PHLPP1: variants seen among roughly 807,000 people sequenced by gnomAD.
PHLPP1 encodes PH domain and leucine rich repeat protein phosphatase 1.
In PHLPP1, 42 loss-of-function variants were observed where a neutral mutation model predicts 117.2. The ratio of observed to expected loss-of-function variants is 0.36; its 90% confidence interval spans 0.28 to 0.46. The LOEUF is 0.46. Among genes scored for constraint, PHLPP1 ranks in the 20% least tolerant of loss-of-function variants. The probability of loss-of-function intolerance (pLI) is 1.00; values close to 1 mark genes in which losing one functional copy is unlikely to be tolerated. For synonymous variants in PHLPP1, 1,042 were observed against 970.7 expected (o/e 1.07, Z -1.37); for missense variants, 2,084 against 2,241.9 (o/e 0.93, Z 1.42).
intron 4 of PHLPP1, among the ~76,000 whole-genome samples, chr18:62,868,757 A>C (rs1229981325): frequency 2.0e-5 from 3 of 152,220 alleles, no homozygotes; most frequent in African/African-American, 7.2e-5. Flanking sequence ...TTGATCAGAA[A>C]AATAATTGCA....
rs147868287 is a variant in PHLPP1, at chr18:62,719,287, A to T, written c.1576+2028A>T. Among the ~76,000 whole-genome samples the T allele has an allele frequency of 2.2e-3, 331 of 152,324 alleles. 1 individual carries two copies. Among genetic ancestry groups the T allele is most frequent in the African/African-American group, 7.6e-3 (315 of 41,582 alleles). ...TTGTTGCGAAGTTGTCTAATTGCTTATTTTGGCTTTAAAGCAAAGTTGAGC... is the reference window on the plus strand; with the variant it reads ...TTGTTGCGAAGTTGTCTAATTGCTTTTTTTGGCTTTAAAGCAAAGTTGAGC... On this transcript the variant is annotated intron_variant, in intron 1 of 16. Coordinates refer to ENST00000262719, the MANE Select transcript of PHLPP1 (RefSeq NM_194449.4).
intron 1 of PHLPP1, among the ~76,000 whole-genome samples, chr18:62,761,098 C>T (rs997307296): frequency 2.6e-5 from 4 of 151,936 alleles, no homozygotes; most frequent in Non-Finnish European, 5.9e-5. Context: ...CTCCTGAGCT[C>T]AAGCAATCTG....
At chr18:62,775,754 G>C (rs1912933259) in intron 1 of PHLPP1, among the ~76,000 whole-genome samples, 1 of 152,048 alleles carries the variant, frequency 6.6e-6, no homozygotes, top group African/African-American at 2.4e-5. Context: ...GATCAGTTTT[G>C]ACCTATATCC....
At chr18:62,896,159 A>G (rs1200627082) in intron 6 of PHLPP1, 148 bp downstream of exon 6, 1 of 606,858 alleles carries the variant, frequency 1.6e-6, no homozygotes, top group African/African-American at 1.8e-5. Context: ...ATTATGATTA[A>G]TAGTAGGGTT....
At chr18:62,867,389 C>T (rs1485720287) in intron 4 of PHLPP1, among the ~76,000 whole-genome samples, 2 of 152,174 alleles carry the variant, frequency 1.3e-5, no homozygotes, top group Non-Finnish European at 2.9e-5. Flanking sequence ...TTTCCCCTAT[C>T]CTCTCAATAT....
At chr18:62,928,267 C>A (rs1274063213) in intron 10 of PHLPP1, among the ~76,000 whole-genome samples, 1 of 152,032 alleles carries the variant, frequency 6.6e-6, no homozygotes, top group Non-Finnish European at 1.5e-5. Context: ...ACGTGCAACC[C>A]ACAGAAATAT....
At chr18:62,808,456 G>A (rs1041225368) in intron 1 of PHLPP1, among the ~76,000 whole-genome samples, 4 of 151,968 alleles carry the variant, frequency 2.6e-5, no homozygotes, top group Admixed American at 6.6e-5. Flanking sequence ...AATTTATCAC[G>A]CTAATTATAT....
rs368045191 is a variant in PHLPP1 at position 62,807,761 on chromosome 18, AT to A, written c.1577-22273del. Among the ~76,000 whole-genome samples the A allele has an allele frequency of 3.5e-4, 54 of 152,332 alleles. 2 individuals are homozygous for A. The highest frequency in any genetic ancestry group is 3.3e-3 in the East Asian group (17 of 5,188). ...TCTAAACTTCTAAATATAGAAAAAAATAATAGTAAAAATACAGTATAAAGGA... is the reference window on the plus strand; with the variant it reads ...TCTAAACTTCTAAATATAGAAAAAAAAATAGTAAAAATACAGTATAAAGGA... On this transcript the variant is annotated intron_variant, in intron 1 of 16. Transcript: ENST00000262719.
rs1460616250 is a variant in PHLPP1 at position 62,716,724 on chromosome 18, C to T, written c.1041C>T (p.Thr347=). 18 of 1,503,894 alleles carry T rather than the reference C, an allele frequency of 1.2e-5. No homozygotes were observed. The highest frequency in any genetic ancestry group is 7.3e-5 in the African/African-American group (5 of 68,864). The allele number at this position is 1,503,894 out of a possible 1,614,324, so 93.2% of individuals were successfully genotyped here. A position where few individuals can be genotyped will look rare whatever the true frequency, so the allele number is the denominator to read the frequency against. ...CCCCACGGCCTGTGGTCTCCGACAC[C>T]GAGAGCTTCAGTCTGAGTCCCAGCG... ...PRAPRPVVSD[T]ESFSLSPSAE... is the part of the protein sequence containing the mutation. The change falls in exon 1 of 17, where the codon ACC becomes ACT. Residue 347 remains threonine, a synonymous_variant. Transcript: ENST00000262719. This position sits in a 1 kb window ranked among gnomAD's most constrained non-coding sequence, Gnocchi z 5.7.
Position 62,954,577 on chromosome 18 carries a change from C to T in PHLPP1, c.3325-4052C>T, listed in dbSNP as rs141705569. On this transcript the variant is annotated intron_variant, in intron 12 of 16. Transcript: ENST00000262719. ...GCTCACTGTGTTAACACTGGGAGAG[C>T]AGCACCAGATACCAACATCCTGTAA... 3.9e-5 allele frequency among the ~76,000 whole-genome samples: 6 copies of T among 152,264 alleles called. No homozygotes were observed. The East Asian group carries it at 1.2e-3, about 29-fold the overall frequency.
At position 62,716,636 on chromosome 18, in the gene PHLPP1, C is replaced by T; in HGVS notation, c.953C>T (p.Pro318Leu). The T allele has an allele frequency of 8.7e-6, 12 of 1,383,132 alleles. No homozygotes were observed. The highest frequency in any genetic ancestry group is 1.6e-5 in the South Asian group (1 of 61,364). The allele number at this position is 1,383,132 out of a possible 1,614,324, so 85.7% of individuals were successfully genotyped here. Residue 318 changes from proline to leucine, a missense_variant, in exon 1 of 17, where the codon CCA (proline) becomes CTA (leucine). Pro to Leu is a moderately conservative substitution (Grantham distance 98, BLOSUM62 -3). This residue lies in a region of PHLPP1 where 719 missense variants were observed against 636.0 expected (regional missense o/e 1.13). Transcript: ENST00000262719. The surrounding 1 kb of genome is among the most constrained non-coding windows in gnomAD (Gnocchi z 5.7). ...GPGGWSRRAS[P>L]APSDSSPGEP... ...GGCGGGTGGTCGCGCCGCGCCAGCC[C>T]AGCGCCCTCGGACTCCAGCCCCGGC...
At position 62,920,071 on chromosome 18, in the gene PHLPP1, C is replaced by T; in HGVS notation, c.2917C>T (p.Gln973Ter). ...GGAGGTCTTGGATGTGCAACACAAC[C>T]AGCTCCTTGAGCTCCCACCTAACCT... is the stretch of plus-strand genomic sequence containing the variant. ...SVEVLDVQHNQLLELPPNLLM... is the reference protein window; with the variant it reads ...SVEVLDVQHN Residue 973 changes from glutamine (Q) to a stop codon, truncating the protein, a stop_gained, in exon 10 of 17, where the codon CAG becomes TAG. Coordinates refer to ENST00000262719, the MANE Select transcript of PHLPP1 (RefSeq NM_194449.4). LOFTEE classifies it high-confidence loss of function. The T allele has an allele frequency of 6.2e-7, 1 of 1,613,702 alleles. No homozygotes were observed. Among genetic ancestry groups the T allele is most frequent in the Non-Finnish European group, 8.5e-7 (1 of 1,179,762 alleles).
At chr18:62,775,896 A>G (rs1038032034) in intron 1 of PHLPP1, among the ~76,000 whole-genome samples, 1 of 152,096 alleles carries the variant, frequency 6.6e-6, no homozygotes, top group African/African-American at 2.4e-5. Context: ...ATCTACCTTT[A>G]GTCACTAGAG....
intron 1 of PHLPP1, among the ~76,000 whole-genome samples, chr18:62,777,279 G>A (rs141602504): frequency 1.3e-5 from 2 of 152,142 alleles, no homozygotes; most frequent in East Asian, 3.9e-4. Context: ...GCTTAAATTT[G>A]CATTTCTTTG....
chr18:62,941,703 G>T lies in PHLPP1; in HGVS notation c.2961-15G>T. The T allele has an allele frequency of 6.2e-7, 1 of 1,601,072 alleles. No homozygotes were observed. The highest frequency in any genetic ancestry group is 8.5e-7 in the Non-Finnish European group (1 of 1,170,664). ...TGACTTTTCAATGGCATTTTGTTGC[G>T]TTTTGTCATTGTAGCCTGAGATTCC... On this transcript the variant is annotated splice_polypyrimidine_tract_variant and intron_variant, in intron 10 of 16. Transcript: ENST00000262719.
chr18:62,783,092 C>A (rs1400423736), intron 1 of PHLPP1, among the ~76,000 whole-genome samples: 1 of 149,850 alleles, frequency 6.7e-6, no homozygotes, highest in African/African-American at 2.5e-5. Context: ...GAAATGATAC[C>A]CATCAATGGT....
At chr18:62,810,144 C>G (rs1286948280) in intron 1 of PHLPP1, among the ~76,000 whole-genome samples, 4 of 152,214 alleles carry the variant, frequency 2.6e-5, no homozygotes, top group African/African-American at 9.6e-5. Context: ...GGACCTTAGT[C>G]AAGAAATTGC....
chr18:62,822,570 C>T (rs529538794), intron 1 of PHLPP1, among the ~76,000 whole-genome samples: 32 of 152,218 alleles, frequency 2.1e-4, no homozygotes, highest in African/African-American at 7.2e-4. Flanking sequence ...AGGCGTGAGC[C>T]ACTGCGCCTG....
At chr18:62,831,482 C>T (rs762004828) in intron 2 of PHLPP1, among the ~76,000 whole-genome samples, 20 of 151,804 alleles carry the variant, frequency 1.3e-4, no homozygotes, top group East Asian at 7.7e-4. Flanking sequence ...GGACTACAGG[C>T]GCATGACACC....
Sources: gnomAD v4.1 joint callset for allele counts (sites outside exome capture counted in the v4.1 genomes callset) on GRCh38, gnomAD v4.1.1 for gene constraint, gnomAD v4.1.1 regional missense constraint, Gnocchi (gnomAD v3.1) non-coding constraint, MANE v1.5 for transcripts, NCBI Gene and HGNC (gene_info 2026-07-23, HGNC 2026-07-21) for gene names.